PNPLA6: variants seen among roughly 807,000 people sequenced by gnomAD.
PNPLA6 encodes the protein patatin-like phospholipase domain-containing protein 6.
Under a neutral mutation model 153.7 loss-of-function variants are expected in PNPLA6, and 105 were observed. The ratio of observed to expected loss-of-function variants is 0.68; its 90% CI spans 0.58 to 0.80. The LOEUF is 0.80. PNPLA6 is among the 30% of genes least tolerant of loss of function. The probability of loss-of-function intolerance (pLI) is 0.00; values close to 1 mark genes in which losing one functional copy is unlikely to be tolerated. For missense variants in PNPLA6, 1,423 were observed against 1,919.3 expected (o/e 0.74, Z 4.83); for synonymous variants, 825 against 822.2 (o/e 1.00, Z -0.06).
intron 17 of PNPLA6, 117 bp downstream of exon 17, chr19:7,551,224 C>T: frequency 2.2e-6 from 2 of 924,862 alleles, no homozygotes; most frequent in South Asian, 2.8e-5. Flanking sequence ...GGGGCCGAAG[C>T]GAGAGAGTGA....
At chr19:7,547,845 T>G (rs2023456290) in intron 13 of PNPLA6, among the ~76,000 whole-genome samples, 1 of 69,258 alleles carries the variant, frequency 1.4e-5, no homozygotes, top group Non-Finnish European at 2.8e-5. Flanking sequence ...TTTTTTTTTG[T>G]AGAGACAGGG....
In PNPLA6 at chr19:7,535,753, C is replaced by T. The variant is rs574946728; in HGVS notation, c.-36C>T. Reference sequence around the variant, plus strand: ...CGCCGGGCCTCAGGGAAGAGTCGCGCCCCCGGGGAGGGAGCAGCACTGGCC... The same window carrying T: ...CGCCGGGCCTCAGGGAAGAGTCGCGTCCCCGGGGAGGGAGCAGCACTGGCC... On this transcript the variant is annotated 5_prime_UTR_variant, in exon 1 of 32. Transcript: ENST00000600737. The surrounding 1 kb of genome is among the most constrained non-coding windows in gnomAD (Gnocchi z 5.0). 93 of 1,518,740 alleles carry T rather than the reference C, an allele frequency of 6.1e-5. No homozygotes were observed. In the South Asian group the frequency reaches 9.5e-4, roughly 16 times the overall value. The allele number at this position is 1,518,740 out of a possible 1,614,324, so 94.1% of individuals were successfully genotyped here.
upstream of PNPLA6, chr19:7,534,277 C>T (rs1444752094): frequency 7.6e-6 from 2 of 262,358 alleles, no homozygotes; most frequent in Middle Eastern, 1.4e-3. Flanking sequence ...AGGGGTGTCC[C>T]TTCGAGGGTC....
chr19:7,543,016 C>A lies in PNPLA6; in HGVS notation c.1540C>A (p.Leu514Ile). 6.2e-7 allele frequency: 1 copy of A among 1,614,052 alleles called. No homozygotes were observed. The highest frequency in any genetic ancestry group is 8.5e-7 in the Non-Finnish European group (1 of 1,179,986). The change falls in exon 13 of 32, where the codon CTC becomes ATC. Residue 514 changes from leucine (L) to isoleucine (I), a missense_variant. Leu to Ile is a conservative substitution (Grantham distance 5). Around this residue, in one of 10 missense-constraint regions of PNPLA6, gnomAD observed 267 missense variants for 255.1 expected, o/e 1.05. Transcript: ENST00000600737. ...CCCCCTACCTCCCCAGGACCCCTCC[C>A]TCCTGAACAGCAGAGTCTTGCTGCA... is the stretch of plus-strand genomic sequence containing the variant. The part of the protein sequence containing the change: ...AKLMRIEDPS[L>I]LNSRVLLHHA...
At chr19:7,536,723 T>C (rs1245982700) in intron 3 of PNPLA6, among the ~76,000 whole-genome samples, 177 bp downstream of exon 3, 1 of 151,822 alleles carries the variant, frequency 6.6e-6, no homozygotes, top group Non-Finnish European at 1.5e-5. Context: ...AGATCAGGAG[T>C]TTGAGGCCAG....
At chr19:7,536,319 C>T in intron 2 of PNPLA6, 46 bp downstream of exon 2, 2 of 1,492,716 alleles carry the variant, frequency 1.3e-6, no homozygotes, top group Non-Finnish European at 1.9e-6. Context: ...ACAGAGGCCG[C>T]GCCCCTTCCC....
intron 20 of PNPLA6, 36 bp downstream of exon 20, chr19:7,554,308 G>T (rs1207046489): frequency 6.3e-7 from 1 of 1,581,442 alleles, no homozygotes; most frequent in Non-Finnish European, 8.7e-7. Flanking sequence ...AGGGTGGTGG[G>T]TGGGCCTGGA....
chr19:7,547,337 C>T (rs1159604088), intron 13 of PNPLA6, among the ~76,000 whole-genome samples: 1 of 152,144 alleles, frequency 6.6e-6, no homozygotes, highest in Non-Finnish European at 1.5e-5. Flanking sequence ...TCTCTCTAAC[C>T]CTTTGTAATT....
At chr19:7,556,790 G>C in intron 26 of PNPLA6, 66 bp downstream of exon 26, 1 of 1,149,046 alleles carries the variant, frequency 8.7e-7, no homozygotes, top group Non-Finnish European at 1.3e-6. Context: ...ATGCTTCCGG[G>C]AGGGCCGCTG....
At chr19:7,559,613 A>C (rs1331884049) in intron 28 of PNPLA6, among the ~76,000 whole-genome samples, 1 of 148,292 alleles carries the variant, frequency 6.7e-6, no homozygotes. Context: ...CTGAGGTGGG[A>C]GGATTGCTTG....
chr19:7,560,529 A>C, intron 28 of PNPLA6, 119 bp from the exon 29 acceptor site: 1 of 756,172 alleles, frequency 1.3e-6, no homozygotes, highest in Non-Finnish European at 2.4e-6. Flanking sequence ...AAATAGGTTT[A>C]GTCTCAAATG....
intron 27 of PNPLA6, 53 bp from the exon 28 acceptor site, chr19:7,558,797 C>G: frequency 7.2e-7 from 1 of 1,386,032 alleles, no homozygotes; most frequent in Non-Finnish European, 1.0e-6. Context: ...GGTTGAACAT[C>G]TCTGCCCCGG....
rs372169542 is a variant in PNPLA6, at chr19:7,535,919, C to T, written c.131C>T (p.Pro44Leu). ...CGGATTTGCGGTGCGCAGCCAGTGC[C>T]GTTCGTCCCTCAGGTGCTTGGCGTG... Reference protein sequence around the residue: ...AGRICGAQPVPFVPQVLGVMI... With the variant: ...AGRICGAQPVLFVPQVLGVMI... The change falls in exon 1 of 32, where the codon CCG becomes CTG. Residue 44 changes from proline to leucine, a missense_variant. By Grantham distance (98) the Pro-to-Leu change is moderately conservative. This residue lies in a region of PNPLA6 where 109 missense variants were observed against 109.4 expected (regional missense o/e 1.00). Coordinates refer to ENST00000600737, the MANE Select transcript of PNPLA6 (RefSeq NM_001166114.2). The surrounding 1 kb of genome is among the most constrained non-coding windows in gnomAD (Gnocchi z 5.0). 2.7e-5 allele frequency: 43 copies of T among 1,570,090 alleles called. No homozygotes were observed. Among genetic ancestry groups the T allele is most frequent in the Non-Finnish European group, 3.4e-5 (40 of 1,163,772 alleles).
Position 7,555,768 on chromosome 19 carries a change from G to GT in PNPLA6, c.3093+6dup. The GT allele has an allele frequency of 6.2e-7, 1 of 1,613,038 alleles. No homozygotes were observed. Among genetic ancestry groups the GT allele is most frequent in the South Asian group, 1.1e-5 (1 of 91,050 alleles). On this transcript the variant is annotated splice_donor_region_variant and intron_variant, in intron 24 of 31. Transcript: ENST00000600737. This position sits in a 1 kb window ranked among gnomAD's most constrained non-coding sequence, Gnocchi z 6.3. ...CGGGCCCGGGAGTGGGCCAAGGTGT[G>GT]TGTTGCGAGGAGGGATTGCTGCACC...
Position 7,536,178 on chromosome 19 carries a change from C to G in PNPLA6, c.233-13C>G, listed in dbSNP as rs1286099101. 13 of 1,590,904 alleles carry G rather than the reference C, an allele frequency of 8.2e-6. No individual in the cohort carries two copies. Among genetic ancestry groups the G allele is most frequent in the Non-Finnish European group, 1.0e-5 (12 of 1,159,048 alleles). On this transcript the variant is annotated splice_polypyrimidine_tract_variant and intron_variant, in intron 1 of 31. Coordinates refer to ENST00000600737, the MANE Select transcript of PNPLA6 (RefSeq NM_001166114.2). ...ACAGAGCTCGGAGTGCCCCTGTCCC[C>G]ACCTATCCCCAGAAACCCCAGCCCC...
At chr19:7,561,459 G>A (rs1483819768) in intron 31 of PNPLA6, 29 bp from the exon 32 acceptor site, 3 of 1,580,954 alleles carry the variant, frequency 1.9e-6, no homozygotes, top group Non-Finnish European at 1.7e-6. Context: ...TCCCGTGCTG[G>A]GTGACGTGTG....
chr19:7,557,628 A>C (rs913616306), intron 27 of PNPLA6: 3 of 361,690 alleles, frequency 8.3e-6, no homozygotes, highest in Non-Finnish European at 1.6e-5. Flanking sequence ...TACTAAAAAT[A>C]CAAAAAATTA....
intron 19 of PNPLA6, 40 bp downstream of exon 19, chr19:7,554,055 G>GGT: frequency 6.4e-7 from 1 of 1,564,062 alleles, no homozygotes; most frequent in South Asian, 1.1e-5. Flanking sequence ...CTGGCGGTGG[G>GGT]TGGGACATTA....
In PNPLA6 at chr19:7,560,702, G is replaced by A. The variant is rs753386551; in HGVS notation, c.3754G>A (p.Val1252Ile). ...AVFGGWSRGNVIEKMLTDRRS... is the reference protein window; with the variant it reads ...AVFGGWSRGNIIEKMLTDRRS... ...GTTTGGAGGCTGGAGCCGTGGCAAC[G>A]TCATTGAGAAAATGCTCACAGACCG... Residue 1252 changes from valine (V) to isoleucine (I), a missense_variant, in exon 29 of 32, where the codon GTC becomes ATC. By Grantham distance (29) the Val-to-Ile change is conservative (BLOSUM62 3). Transcript: ENST00000600737. 17 of 1,613,898 alleles carry A rather than the reference G, an allele frequency of 1.1e-5. No homozygotes were observed. Among genetic ancestry groups the A allele is most frequent in the African/African-American group, 1.3e-5 (1 of 74,878 alleles).
Sources: gnomAD v4.1 joint callset for allele counts (sites outside exome capture counted in the v4.1 genomes callset) on GRCh38, gnomAD v4.1.1 for gene constraint, gnomAD v4.1.1 regional missense constraint, Gnocchi (gnomAD v3.1) non-coding constraint, MANE v1.5 for transcripts, NCBI Gene and HGNC (gene_info 2026-07-23, HGNC 2026-07-21) for gene names.